Variants in C1orf159 observed in about 807,000 individuals in gnomAD.
C1orf159 encodes the protein chromosome 1 open reading frame 159, also known as uncharacterized protein C1orf159.
C1orf159 carries 19 observed loss-of-function variants against 25.6 expected under a neutral mutation model. The observed-to-expected ratio is 0.74, with a 90% CI of 0.52 to 1.09. The LOEUF (loss-of-function observed/expected upper bound fraction) is 1.09, where lower values mean the gene tolerates loss of function less well. Among genes scored for constraint, C1orf159 ranks in the 50% least tolerant of loss-of-function variants. C1orf159 has a pLI of 0.00. For synonymous variants in C1orf159, 139 were observed against 124.7 expected (o/e 1.12, Z -0.77); for missense variants, 274 against 290.6 (o/e 0.94, Z 0.42).
Position 1,110,052 on chromosome 1 carries a change from A to G in C1orf159, c.-136+6008T>C, listed in dbSNP as rs771821569. On this transcript the variant is annotated intron_variant, in intron 1 of 9. Coordinates refer to ENST00000421241, the MANE Select transcript of C1orf159 (RefSeq NM_017891.5). The surrounding 1 kb of genome is among the most constrained non-coding windows in gnomAD (Gnocchi z 4.8). ...TAACTGCTAGAGGAAAAGAAAACCC[A>G]AGCCTTATTCTTTAACTGTAAGGGT... Among the ~76,000 whole-genome samples the G allele has an allele frequency of 1.3e-5, 2 of 152,202 alleles. No homozygotes were observed. The highest frequency in any genetic ancestry group is 4.8e-5 in the African/African-American group (2 of 41,444).
chr1:1,097,029 A>G (rs1250073596), intron 1 of C1orf159, among the ~76,000 whole-genome samples: 1 of 151,352 alleles, frequency 6.6e-6, no homozygotes, highest in African/African-American at 2.4e-5. Flanking sequence ...GTGAGCCACC[A>G]GAGATGGCAA....
intron 1 of C1orf159, among the ~76,000 whole-genome samples, chr1:1,101,656 C>G (rs537724879): frequency 2.0e-5 from 3 of 152,230 alleles, no homozygotes; most frequent in Non-Finnish European, 4.4e-5. Flanking sequence ...AGCTCACAGT[C>G]TGTCGGCTCA....
rs868633382 is a variant in C1orf159 at position 1,115,663 on chromosome 1, C to G, written c.-136+397G>C. Among the ~76,000 whole-genome samples the G allele has an allele frequency of 7.4e-4, 78 of 105,206 alleles. 1 individual carries two copies. The highest frequency in any genetic ancestry group is 1.3e-3 in the Admixed American group (15 of 11,912). 69.0% of individuals were successfully genotyped at this position (105,206 alleles called of 152,430 possible). On this transcript the variant is annotated intron_variant, in intron 1 of 9. Coordinates refer to ENST00000421241, the MANE Select transcript of C1orf159 (RefSeq NM_017891.5). ...CTCCCCTCCCCAGGGACCCCCTTCC[C>G]TGCCCCGGGAACCTTTCCCCTCCCC...
intron 7 of C1orf159, chr1:1,085,307 G>A (rs528935364): frequency 1.6e-4 from 66 of 418,404 alleles, no homozygotes; most frequent in Non-Finnish European, 2.5e-4. Flanking sequence ...TGCGGGGGCC[G>A]GCCCTGGACA....
chr1:1,083,254 T>G, intron 9 of C1orf159: 1 of 445,710 alleles, frequency 2.2e-6, no homozygotes, highest in Non-Finnish European at 4.0e-6. Flanking sequence ...GGCCAGGCGA[T>G]CCCCGAAGAC....
intron 6 of C1orf159, among the ~76,000 whole-genome samples, chr1:1,086,348 G>C (rs1382230534): frequency 1.3e-5 from 2 of 152,268 alleles, no homozygotes; most frequent in Admixed American, 1.3e-4. Context: ...TGAAAGCCAG[G>C]GGGTTCTCAG....
intron 9 of C1orf159, chr1:1,083,923 C>T: frequency 6.3e-7 from 1 of 1,586,404 alleles, no homozygotes; most frequent in Non-Finnish European, 8.6e-7. Context: ...ACCGGGCTGA[C>T]TCTTGGGTCC....
Position 1,110,034 on chromosome 1 carries a change from T to C in C1orf159, c.-136+6026A>G, listed in dbSNP as rs1483109064. Among the ~76,000 whole-genome samples, 2 of 152,238 alleles carry C rather than the reference T, an allele frequency of 1.3e-5. No individual in the cohort carries two copies. Among genetic ancestry groups the C allele is most frequent in the Non-Finnish European group, 2.9e-5 (2 of 68,044 alleles). On this transcript the variant is annotated intron_variant, in intron 1 of 9. Coordinates refer to ENST00000421241, the MANE Select transcript of C1orf159 (RefSeq NM_017891.5). This position sits in a 1 kb window ranked among gnomAD's most constrained non-coding sequence, Gnocchi z 4.8. ...CTCAGGCCAGTGCCTGCTTAACTGC[T>C]AGAGGAAAAGAAAACCCAAGCCTTA...
chr1:1,083,941 C>G lies in C1orf159; in HGVS notation c.502+412G>C, dbSNP rs545568154. ...GGGCTGACTCTTGGGTCCGCCTGAC[C>G]CAGCACCACTGAAGCGATGGCTGCT... is the stretch of plus-strand genomic sequence containing the variant. On this transcript the variant is annotated intron_variant, in intron 9 of 9. Coordinates refer to ENST00000421241, the MANE Select transcript of C1orf159 (RefSeq NM_017891.5). The G allele has an allele frequency of 6.3e-6, 10 of 1,597,408 alleles. No homozygotes were observed. The East Asian group carries it at 2.0e-4, about 32-fold the overall frequency.
At chr1:1,084,203 C>A in intron 9 of C1orf159, 150 bp downstream of exon 9, 1 of 1,523,412 alleles carries the variant, frequency 6.6e-7, no homozygotes, top group South Asian at 1.3e-5. Context: ...CGGCCCTGGC[C>A]CTGCCTTGTG....
chr1:1,088,948 C>T (rs1294130242), intron 4 of C1orf159, among the ~76,000 whole-genome samples: 3 of 152,340 alleles, frequency 2.0e-5, no homozygotes, highest in South Asian at 2.1e-4. Context: ...CTCTGTCTCC[C>T]GGCATCTCCT....
chr1:1,107,930 A>G (rs983699172), intron 1 of C1orf159, among the ~76,000 whole-genome samples: 38 of 152,354 alleles, frequency 2.5e-4, no homozygotes, highest in African/African-American at 8.4e-4. Context: ...ACATCTGAAC[A>G]TCAGAAGGAA....
intron 1 of C1orf159, among the ~76,000 whole-genome samples, chr1:1,103,344 C>A (rs1280297707): frequency 6.6e-6 from 1 of 152,222 alleles, no homozygotes; most frequent in African/African-American, 2.4e-5. Context: ...TCTTTCCCTT[C>A]GAGAATGGCT....
Position 1,087,065 on chromosome 1 carries a change from G to C in C1orf159, c.310+74C>G. On this transcript the variant is annotated intron_variant, in intron 6 of 9. Transcript: ENST00000421241. This position sits in a 1 kb window ranked among gnomAD's most constrained non-coding sequence, Gnocchi z 8.3. ...CCTGCTGTGGCTGCGTCAAGGGTGA[G>C]GGTCTGCACTGGCTCCGACGGCCCC... 7.0e-7 allele frequency: 1 copy of C among 1,425,702 alleles called. No homozygotes were observed. Among genetic ancestry groups the C allele is most frequent in the Admixed American group, 1.8e-5 (1 of 54,576 alleles). 88.3% of individuals were successfully genotyped at this position (1,425,702 alleles called of 1,614,324 possible). A position where few individuals can be genotyped will look rare whatever the true frequency, so the allele number is the denominator to read the frequency against.
intron 7 of C1orf159, among the ~76,000 whole-genome samples, chr1:1,085,582 G>C (rs1046330019): frequency 2.0e-5 from 3 of 152,216 alleles, no homozygotes; most frequent in African/African-American, 7.2e-5. Flanking sequence ...CTCGCCCCTC[G>C]TGATGCCCTG....
chr1:1,103,782 A>C (rs1376821319), intron 1 of C1orf159, among the ~76,000 whole-genome samples: 1 of 152,046 alleles, frequency 6.6e-6, no homozygotes, highest in African/African-American at 2.4e-5. Context: ...CCAGGCAGAA[A>C]TGCAGTGGCA....
At chr1:1,090,697 C>T (rs546313704) in intron 3 of C1orf159, 102 of 713,052 alleles carry the variant, frequency 1.4e-4, no homozygotes, top group Non-Finnish European at 8.0e-5. Context: ...CCCCAGGAGG[C>T]GGCACCCGCA....
At chr1:1,102,247 C>T (rs1646111927) in intron 1 of C1orf159, among the ~76,000 whole-genome samples, 1 of 152,048 alleles carries the variant, frequency 6.6e-6, no homozygotes, top group Admixed American at 6.6e-5. Flanking sequence ...CCTCTCCTCT[C>T]CTGGACCTCT....
intron 1 of C1orf159, among the ~76,000 whole-genome samples, chr1:1,114,610 G>A (rs899095369): frequency 6.6e-5 from 10 of 152,150 alleles, no homozygotes; most frequent in Non-Finnish European, 7.4e-5. Flanking sequence ...TACTGGGGGC[G>A]GGATGTGTGT....
Sources: gnomAD v4.1 joint callset for allele counts (sites outside exome capture counted in the v4.1 genomes callset) on GRCh38, gnomAD v4.1.1 for gene constraint, Gnocchi (gnomAD v3.1) non-coding constraint, MANE v1.5 for transcripts, NCBI Gene and HGNC (gene_info 2026-07-23, HGNC 2026-07-21) for gene names.